The following CLEC12A variants were observed in gnomAD, a reference collection of about 807,000 sequenced individuals.
CLEC12A encodes the protein C-type lectin domain family 12 member A, also known as C-type lectin protein CLL-1.
CLEC12A carries 22 observed loss-of-function variants against 26.5 expected under a neutral mutation model. The observed-to-expected ratio is 0.83, with a 90% CI of 0.59 to 1.19. CLEC12A has a LOEUF of 1.19. Ranked by LOEUF, CLEC12A falls within the 50% of genes most tolerant of loss-of-function variation. CLEC12A has a pLI of 0.00. For synonymous variants in CLEC12A, 119 were observed against 101.9 expected (o/e 1.17, Z -1.01); for missense variants, 353 against 315.6 (o/e 1.12, Z -0.90).
chr12:9,965,664 C>T (rs535460606), intron 1 of CLEC12A, among the ~76,000 whole-genome samples: 155 of 152,116 alleles, frequency 1.0e-3, no homozygotes, highest in African/African-American at 3.7e-3. Flanking sequence ...TGATAAGGCA[C>T]AGATCCTGAA....
At chr12:9,978,918 G>A (rs912414780) in intron 1 of CLEC12A, 48 bp from the exon 2 acceptor site, 1 of 1,306,678 alleles carries the variant, frequency 7.7e-7, no homozygotes, top group Non-Finnish European at 1.1e-6. Context: ...TAATCCAAAT[G>A]AAAGTTATAC....
chr12:10,005,443 T>C, the CLEC12A span, among the ~76,000 whole-genome samples: 2 of 152,244 alleles, frequency 1.3e-5, no homozygotes, highest in South Asian at 2.1e-4. Context: ...ATTTTTAATA[T>C]GATCCAGAAT....
At chr12:10,002,878 G>T in the CLEC12A span, among the ~76,000 whole-genome samples, 2 of 152,186 alleles carry the variant, frequency 1.3e-5, no homozygotes, top group African/African-American at 4.8e-5. Flanking sequence ...ATGAGTTAAA[G>T]ACACTAATAA....
In CLEC12A at chr12:9,980,625, G is replaced by A; in HGVS notation, c.423G>A (p.Lys141=). ...KPCPRRWIWH[K]DSCYFLSDDV... Reference sequence around the variant, plus strand: ...GTCCAAGGAGATGGATTTGGCATAAGGACAGCTGTTATTTCCTAAGTGATG... The same window carrying A: ...GTCCAAGGAGATGGATTTGGCATAAAGACAGCTGTTATTTCCTAAGTGATG... Residue 141 remains lysine (K), a synonymous_variant, in exon 4 of 6, where the codon AAG becomes AAA. Transcript: ENST00000304361. 1 of 1,613,888 alleles carries A rather than the reference G, an allele frequency of 6.2e-7. No homozygotes were observed. The highest frequency in any genetic ancestry group is 8.5e-7 in the Non-Finnish European group (1 of 1,179,860).
At chr12:9,990,014 C>T (rs1177212612), downstream of CLEC12A, among the ~76,000 whole-genome samples, 1 of 151,852 alleles carries the variant, frequency 6.6e-6, no homozygotes, top group Non-Finnish European at 1.5e-5. Context: ...ATTTTAAGCC[C>T]ATTGTTGAGA....
rs1186549796 is a variant in CLEC12A at position 9,985,450 on chromosome 12, T to C, written c.*424T>C. ...GGTCCATCCTATACTTCCATGGGAC[T>C]CCCTATGGCTGAAGGCCTTATGAGT... On this transcript the variant is annotated 3_prime_UTR_variant, in exon 6 of 6. Transcript: ENST00000304361. 2 of 399,290 alleles carry C rather than the reference T, an allele frequency of 5.0e-6. No homozygotes were observed. Among genetic ancestry groups the C allele is most frequent in the Non-Finnish European group, 8.8e-6 (2 of 226,684 alleles). 24.7% of individuals were successfully genotyped at this position (399,290 alleles called of 1,614,324 possible).
chr12:9,997,914 C>T (rs1865090962), downstream of CLEC12A, among the ~76,000 whole-genome samples: 1 of 151,910 alleles, frequency 6.6e-6, no homozygotes. Context: ...AAATTTCAGA[C>T]AAGGGAACAT....
intron 1 of CLEC12A, among the ~76,000 whole-genome samples, chr12:9,962,266 T>C (rs1863844509): frequency 6.6e-6 from 1 of 151,268 alleles, no homozygotes; most frequent in Non-Finnish European, 1.5e-5. Context: ...TTTTTTTTTT[T>C]TTTTTGGATC....
In CLEC12A at chr12:9,995,372, G is replaced by A. The variant is rs1030959253; in HGVS notation, n.1359G>A. 6.4e-5 allele frequency: 50 copies of A among 786,008 alleles called. No individual in the cohort carries two copies. In the African/African-American group the frequency reaches 7.8e-4, roughly 12 times the overall value. 48.7% of individuals were successfully genotyped at this position (786,008 alleles called of 1,614,324 possible). On this transcript the variant is annotated non_coding_transcript_exon_variant, in exon 5 of 5. Transcript: ENST00000449959. ...TTACATGTCTATATTAGTATTAATG[G>A]ATTACATTTGATGTTTGAAATTGTA...
chr12:10,004,604 G>A, the CLEC12A span, among the ~76,000 whole-genome samples: 5 of 151,834 alleles, frequency 3.3e-5, no homozygotes, highest in African/African-American at 1.2e-4. Flanking sequence ...CATCTGATCT[G>A]GAGCCTGGAG....
At chr12:9,983,372 G>A (rs542103421) in intron 5 of CLEC12A, among the ~76,000 whole-genome samples, 4 of 152,032 alleles carry the variant, frequency 2.6e-5, no homozygotes, top group African/African-American at 9.7e-5. Context: ...AAAATAATTT[G>A]TTGTGTAGTA....
downstream of CLEC12A, among the ~76,000 whole-genome samples, chr12:9,995,989 A>G (rs1215722595): frequency 6.6e-6 from 1 of 152,172 alleles, no homozygotes; most frequent in African/African-American, 2.4e-5. Context: ...GAATCAATCA[A>G]TCTATGGGTA....
intron 4 of CLEC12A, 75 bp from the exon 5 acceptor site, chr12:9,981,945 T>C (rs1389887093): frequency 6.9e-6 from 5 of 723,974 alleles, no homozygotes; most frequent in Non-Finnish European, 1.1e-5. Context: ...CAGCAATTTG[T>C]AAGAAATTAC....
At chr12:9,988,312 T>C (rs1036564927), downstream of CLEC12A, among the ~76,000 whole-genome samples, 1 of 152,138 alleles carries the variant, frequency 6.6e-6, no homozygotes, top group African/African-American at 2.4e-5. Flanking sequence ...GGGCAAGGAC[T>C]TCATGTCTAA....
At chr12:9,974,270 T>A (rs954307969) in intron 1 of CLEC12A, among the ~76,000 whole-genome samples, 2 of 152,166 alleles carry the variant, frequency 1.3e-5, no homozygotes, top group Non-Finnish European at 2.9e-5. Context: ...CTCTCCTCAT[T>A]CTTTGTTGAT....
downstream of CLEC12A, among the ~76,000 whole-genome samples, chr12:9,987,559 T>C (rs143214444): frequency 1.6e-3 from 241 of 152,328 alleles, 1 homozygote; most frequent in African/African-American, 5.6e-3. Context: ...GCATGTTCAA[T>C]TAACATTTAC....
chr12:9,993,763 A>G (rs1007488427), intron 4 of CLEC12A, among the ~76,000 whole-genome samples: 2 of 152,188 alleles, frequency 1.3e-5, no homozygotes, highest in Non-Finnish European at 2.9e-5. Flanking sequence ...AAGATAAATC[A>G]TCTAACACAG....
chr12:9,984,794 A>G (rs914570412), intron 5 of CLEC12A, 76 bp from the exon 6 acceptor site: 8 of 1,282,132 alleles, frequency 6.2e-6, no homozygotes, highest in East Asian at 2.9e-5. Context: ...ATCATGTTGG[A>G]AGTGTAATTT....
chr12:10,000,711 A>T, the CLEC12A span, among the ~76,000 whole-genome samples: 3 of 152,096 alleles, frequency 2.0e-5, no homozygotes, highest in African/African-American at 7.2e-5. Flanking sequence ...GCTAAAAGGG[A>T]TTCTTCGCTC....
Sources: gnomAD v4.1 joint callset for allele counts (sites outside exome capture counted in the v4.1 genomes callset) on GRCh38, gnomAD v4.1.1 for gene constraint, MANE v1.5 for transcripts, NCBI Gene and HGNC (gene_info 2026-07-23, HGNC 2026-07-21) for gene names.